The following FSTL5 variants were observed in gnomAD, a reference collection of about 807,000 sequenced individuals.
FSTL5 encodes follistatin-related protein 5.
A neutral mutation model predicts 89.1 loss-of-function variants in FSTL5; 62 were observed. The ratio of observed to expected loss-of-function variants is 0.70; its 90% CI spans 0.57 to 0.86. The LOEUF is 0.86. FSTL5 is among the 40% of genes least tolerant of loss of function. The pLI, the probability that FSTL5 is intolerant of heterozygous loss-of-function variation, is 0.00. For synonymous variants in FSTL5, 383 were observed against 346.2 expected, an observed-to-expected ratio of 1.11 and a Z score of -1.18; for missense variants, 1,057 against 1,001.6, an observed-to-expected ratio of 1.06 and a Z score of -0.75.
intron 3 of FSTL5, among the ~76,000 whole-genome samples, chr4:162,014,536 T>A (rs560704322): frequency 4.2e-5 from 6 of 142,372 alleles, no homozygotes; most frequent in African/African-American, 1.5e-4. Context: ...GTGCCTTGAG[T>A]TAGATAAATT....
At chr4:161,568,095 C>T (rs76102346) in intron 8 of FSTL5, among the ~76,000 whole-genome samples, 4,787 of 151,522 alleles carry the variant, frequency 0.032, 149 homozygotes, top group African/African-American at 0.079. Flanking sequence ...TGCCCAGCGA[C>T]GCCCATGACT....
At position 162,011,087 on chromosome 4, in the gene FSTL5, T is replaced by C. The variant is rs1034422149; in HGVS notation, c.160+22538A>G. 5.3e-5 allele frequency among the ~76,000 whole-genome samples: 8 copies of C among 152,274 alleles called. No homozygotes were observed. The South Asian group carries it at 1.4e-3, about 28-fold the overall frequency. On this transcript the variant is annotated intron_variant, in intron 3 of 15. Coordinates refer to ENST00000306100, the MANE Select transcript of FSTL5 (RefSeq NM_020116.5). The stretch of plus-strand genomic sequence containing the variant: ...ATGCCCCACGAAGGCAGAACACATC[T>C]GATGTTTTTTTATTTGCCTCTAATT...
intron 4 of FSTL5, among the ~76,000 whole-genome samples, chr4:161,856,644 G>C (rs1328322935): frequency 6.5e-5 from 8 of 123,862 alleles, no homozygotes; most frequent in African/African-American, 2.3e-4. Flanking sequence ...TCATTTATTT[G>C]CATACTTGTG....
chr4:161,678,622 C>A (rs1207961182), intron 6 of FSTL5, among the ~76,000 whole-genome samples: 1 of 151,752 alleles, frequency 6.6e-6, no homozygotes, highest in African/African-American at 2.4e-5. Context: ...TCAAAATAAA[C>A]TGCAAACTCA....
chr4:161,936,982 A>T (rs1734451302), intron 3 of FSTL5, among the ~76,000 whole-genome samples: 1 of 152,188 alleles, frequency 6.6e-6, no homozygotes, highest in African/African-American at 2.4e-5. Flanking sequence ...CTCAGTGCTC[A>T]GAAATTCTAA....
intron 2 of FSTL5, among the ~76,000 whole-genome samples, chr4:162,079,817 A>G (rs911371600): frequency 1.3e-5 from 2 of 151,526 alleles, no homozygotes; most frequent in Non-Finnish European, 3.0e-5. Flanking sequence ...TTGGGATAAT[A>G]AAGTAGAATT....
Position 161,573,753 on chromosome 4 carries a change from A to AAAAAG in FSTL5, c.1015+13697_1015+13701dup, listed in dbSNP as rs1366333729. 3.9e-3 allele frequency among the ~76,000 whole-genome samples: 511 copies of AAAAAG among 131,196 alleles called. 7 individuals carry two copies. The highest frequency in any genetic ancestry group is 8.4e-3 in the Middle Eastern group (2 of 238). The allele number at this position is 131,196 out of a possible 152,430, so 86.1% of individuals were successfully genotyped here. A position where few individuals can be genotyped will look rare whatever the true frequency, so the allele number is the denominator to read the frequency against. The stretch of plus-strand genomic sequence containing the variant: ...CAGCTCAAAAAAAAAAAAAAAAAAA[A>AAAAAG]AAAAGAAAAGAAAATGAAAGAAAGA... On this transcript the variant is annotated intron_variant, in intron 8 of 15. Transcript: ENST00000306100.
At chr4:161,951,970 C>T (rs1349711268) in intron 3 of FSTL5, among the ~76,000 whole-genome samples, 1 of 151,900 alleles carries the variant, frequency 6.6e-6, no homozygotes, top group Non-Finnish European at 1.5e-5. Flanking sequence ...TCATTGATTC[C>T]TTAACTCACT....
intron 15 of FSTL5, among the ~76,000 whole-genome samples, chr4:161,446,402 C>T (rs929514412): frequency 6.6e-6 from 1 of 151,928 alleles, no homozygotes; most frequent in African/African-American, 2.4e-5. Flanking sequence ...CAGTAGAATG[C>T]TTTCAGAGTT....
chr4:162,152,481 TA>T, intron 1 of FSTL5, among the ~76,000 whole-genome samples: 1 of 152,296 alleles, frequency 6.6e-6, no homozygotes, highest in Middle Eastern at 3.4e-3. Flanking sequence ...GATGTATTTT[TA>T]TTACTATTAT....
At chr4:161,397,455 A>AT (rs1359000528) in intron 15 of FSTL5, among the ~76,000 whole-genome samples, 1 of 151,752 alleles carries the variant, frequency 6.6e-6, no homozygotes, top group East Asian at 1.9e-4. Flanking sequence ...GCTATATAAT[A>AT]TAGTGGGTTG....
chr4:161,543,706 G>T (rs1275203589), intron 8 of FSTL5, among the ~76,000 whole-genome samples: 1 of 151,778 alleles, frequency 6.6e-6, no homozygotes, highest in Non-Finnish European at 1.5e-5. Context: ...AAAACCACAT[G>T]CAAGAAAATA....
At chr4:161,999,809 C>T (rs926770735) in intron 3 of FSTL5, among the ~76,000 whole-genome samples, 27 of 152,188 alleles carry the variant, frequency 1.8e-4, no homozygotes, top group East Asian at 1.9e-4. Flanking sequence ...GCACACTCCC[C>T]GCCATGCTTC....
At chr4:161,619,740 G>A (rs2126644374) in intron 7 of FSTL5, among the ~76,000 whole-genome samples, 1 of 152,170 alleles carries the variant, frequency 6.6e-6, no homozygotes, top group South Asian at 2.1e-4. Flanking sequence ...CACTGTTGGT[G>A]GGACTGTAAA....
chr4:162,053,135 TGA>T (rs1738436302), intron 2 of FSTL5, among the ~76,000 whole-genome samples: 1 of 151,712 alleles, frequency 6.6e-6, no homozygotes, highest in Non-Finnish European at 1.5e-5. Flanking sequence ...AGATATAGAT[TGA>T]TACACATTTA....
chr4:161,526,873 G>C (rs1248985444), intron 10 of FSTL5, among the ~76,000 whole-genome samples: 2 of 152,164 alleles, frequency 1.3e-5, no homozygotes, highest in Non-Finnish European at 2.9e-5. Flanking sequence ...TTTGAAGTCA[G>C]GTATCGTGAT....
At chr4:162,010,468 T>C (rs527377593) in intron 3 of FSTL5, among the ~76,000 whole-genome samples, 2 of 152,276 alleles carry the variant, frequency 1.3e-5, no homozygotes, top group Admixed American at 6.5e-5. Context: ...CCACACACCA[T>C]GTAGTTCACT....
At chr4:162,097,822 T>C (rs765588357) in intron 2 of FSTL5, among the ~76,000 whole-genome samples, 3 of 151,914 alleles carry the variant, frequency 2.0e-5, no homozygotes, top group Non-Finnish European at 4.4e-5. Context: ...CAGCAAATAC[T>C]GTCAAAAATG....
intron 4 of FSTL5, among the ~76,000 whole-genome samples, chr4:161,842,997 G>A (rs1251950766): frequency 6.6e-6 from 1 of 152,064 alleles, no homozygotes; most frequent in Non-Finnish European, 1.5e-5. Flanking sequence ...TATTTCATGT[G>A]ATTTAGTATT....
Sources: allele counts gnomAD v4.1 joint callset (sites outside exome capture counted in the v4.1 genomes callset), GRCh38; gene constraint gnomAD v4.1.1; transcripts MANE v1.5; gene names NCBI Gene and HGNC (gene_info 2026-07-23, HGNC 2026-07-21).